PCDHA6: variants seen among roughly 807,000 people sequenced by gnomAD.
PCDHA6 encodes the protein protocadherin alpha-6.
PCDHA6 carries 55 observed loss-of-function variants against 60.3 expected under a neutral mutation model. That is an observed-to-expected ratio of 0.91 (90% confidence interval 0.73 to 1.14). The LOEUF (loss-of-function observed/expected upper bound fraction) is 1.14, where lower values mean the gene tolerates loss of function less well. Among genes scored for constraint, PCDHA6 ranks in the 50% most tolerant of loss-of-function variants. PCDHA6 has a pLI of 0.00. For missense variants in PCDHA6, 1,327 were observed against 1,256.5 expected (o/e 1.06, Z -0.85); for synonymous variants, 652 against 557.9 (o/e 1.17, Z -2.38).
intron 1 of PCDHA6, chr5:140,868,717 A>G (rs1420363814): frequency 5.3e-6 from 1 of 189,344 alleles, no homozygotes; most frequent in African/African-American, 2.4e-5. Context: ...AATAATTTAA[A>G]TTTGATGTTA....
intron 1 of PCDHA6, among the ~76,000 whole-genome samples, chr5:140,917,333 G>GC (rs1401985588): frequency 2.7e-5 from 4 of 148,632 alleles, no homozygotes; most frequent in African/African-American, 7.4e-5. Flanking sequence ...GCGGGGGAGG[G>GC]GGGGGATGGT....
At chr5:140,841,667 G>A in intron 1 of PCDHA6, 1 of 1,614,090 alleles carries the variant, frequency 6.2e-7, no homozygotes, top group Non-Finnish European at 8.5e-7. Flanking sequence ...GCCGCTGCAG[G>A]TTTTCCATGT....
intron 1 of PCDHA6, among the ~76,000 whole-genome samples, chr5:140,957,373 T>C (rs906109440): frequency 6.6e-5 from 10 of 152,310 alleles, no homozygotes; most frequent in African/African-American, 2.2e-4. Context: ...ACTTTTATTA[T>C]AGTGTATTGT....
chr5:140,908,880 A>C (rs1342304863), intron 1 of PCDHA6, among the ~76,000 whole-genome samples: 1 of 152,204 alleles, frequency 6.6e-6, no homozygotes, highest in Non-Finnish European at 1.5e-5. Context: ...TCCAAAATCC[A>C]ATAGTCCCAA....
At chr5:140,893,409 T>C (rs2153442529) in intron 1 of PCDHA6, among the ~76,000 whole-genome samples, 1 of 152,154 alleles carries the variant, frequency 6.6e-6, no homozygotes, top group South Asian at 2.1e-4. Context: ...TCCCAGCACT[T>C]AGGGAGGCAG....
At chr5:140,832,017 G>A (rs2150199162) in intron 1 of PCDHA6, among the ~76,000 whole-genome samples, 8 of 152,272 alleles carry the variant, frequency 5.3e-5, no homozygotes, top group African/African-American at 1.9e-4. Context: ...TTTACGTAAA[G>A]ATTGAATTTT....
chr5:140,855,778 TA>T, intron 1 of PCDHA6: 2 of 407,848 alleles, frequency 4.9e-6, no homozygotes, highest in Non-Finnish European at 8.8e-6. Context: ...TAAAAATACG[TA>T]AAAAAAGAAT....
chr5:140,973,486 C>G (rs1404281642), intron 1 of PCDHA6, among the ~76,000 whole-genome samples: 1 of 152,162 alleles, frequency 6.6e-6, no homozygotes, highest in African/African-American at 2.4e-5. Context: ...ATATTGGTCA[C>G]AGGACTCTTC....
At chr5:140,972,101 A>C (rs114554334) in intron 1 of PCDHA6, among the ~76,000 whole-genome samples, 3,080 of 152,290 alleles carry the variant, frequency 0.02, 42 homozygotes, top group Middle Eastern at 0.075. Flanking sequence ...CTGGCATAGA[A>C]GCAGGTAACA....
At chr5:140,888,796 T>C (rs1158691492) in intron 1 of PCDHA6, among the ~76,000 whole-genome samples, 1 of 152,008 alleles carries the variant, frequency 6.6e-6, no homozygotes, top group East Asian at 1.9e-4. Context: ...TCTGGGGAGG[T>C]TGATCAGTGA....
chr5:141,000,051 C>T (rs1483967510), intron 3 of PCDHA6, among the ~76,000 whole-genome samples: 3 of 152,100 alleles, frequency 2.0e-5, no homozygotes, highest in African/African-American at 7.2e-5. Flanking sequence ...ACACCACTCT[C>T]CCAGCTGCTC....
At chr5:140,981,019 T>C (rs1396794400) in intron 2 of PCDHA6, among the ~76,000 whole-genome samples, 1 of 152,124 alleles carries the variant, frequency 6.6e-6, no homozygotes, top group Non-Finnish European at 1.5e-5. Flanking sequence ...ACTTGAAGGC[T>C]GTTAATATTT....
chr5:140,834,545 G>T (rs2150220681), intron 1 of PCDHA6: 1 of 1,614,088 alleles, frequency 6.2e-7, no homozygotes, highest in South Asian at 1.1e-5. Flanking sequence ...ACCTGGGGCT[G>T]GAGCTGGCGG....
intron 1 of PCDHA6, chr5:140,870,945 G>A (rs782397621): frequency 1.2e-6 from 2 of 1,613,724 alleles, no homozygotes; most frequent in Non-Finnish European, 1.7e-6. Context: ...AGCCGGCGGC[G>A]GGCGGCTCGC....
chr5:140,854,688 G>A (rs1468709591), intron 1 of PCDHA6: 2 of 149,770 alleles, frequency 1.3e-5, no homozygotes, highest in Non-Finnish European at 3.0e-5. Context: ...TATGTCTGTT[G>A]TTAAGTTTTC....
intron 1 of PCDHA6, among the ~76,000 whole-genome samples, chr5:140,886,252 C>G (rs1368508838): frequency 6.6e-6 from 1 of 151,858 alleles, no homozygotes; most frequent in Non-Finnish European, 1.5e-5. Flanking sequence ...ATAAAAGTAT[C>G]TCTATTTATA....
intron 1 of PCDHA6, among the ~76,000 whole-genome samples, chr5:140,846,624 T>G (rs1554141412): frequency 6.7e-6 from 1 of 149,082 alleles, no homozygotes; most frequent in Non-Finnish European, 1.5e-5. Flanking sequence ...TCCGCCCACT[T>G]CGGCCTCCTA....
intron 1 of PCDHA6, among the ~76,000 whole-genome samples, chr5:140,948,446 G>A (rs1445406552): frequency 6.6e-6 from 1 of 151,446 alleles, no homozygotes; most frequent in Non-Finnish European, 1.5e-5. Flanking sequence ...CTGTGCCAGG[G>A]ATTTTCTTTT....
chr5:140,828,801 A>G lies in PCDHA6; in HGVS notation c.710A>G (p.Asp237Gly), dbSNP rs147769613. The change falls in exon 1 of 4, where the codon GAT becomes GGT. Residue 237 changes from aspartate to glycine, a missense_variant. Physicochemically the swap from Asp to Gly is moderately conservative, Grantham distance 94. Transcript: ENST00000529310. ...QLLVTVLDVNDNAPTFEQSEY... is the reference protein window; with the variant it reads ...QLLVTVLDVNGNAPTFEQSEY... ...CTGGTCACAGTGCTGGATGTGAATG[A>G]TAATGCTCCCACTTTCGAACAGTCT... 2.8e-4 allele frequency: 458 copies of G among 1,614,124 alleles called. No homozygotes were observed. Among genetic ancestry groups the G allele is most frequent in the Non-Finnish European group, 3.7e-4 (435 of 1,180,046 alleles).
Sources: allele counts gnomAD v4.1 joint callset (sites outside exome capture counted in the v4.1 genomes callset), GRCh38; gene constraint gnomAD v4.1.1; transcripts MANE v1.5; gene names NCBI Gene and HGNC (gene_info 2026-07-23, HGNC 2026-07-21).